The following ALK variants were observed in gnomAD, a reference collection of about 807,000 sequenced individuals.
ALK encodes the protein ALK receptor tyrosine kinase.
ALK carries 74 observed loss-of-function variants against 163.1 expected under a neutral mutation model. The ratio of observed to expected loss-of-function variants is 0.45; its 90% confidence interval spans 0.38 to 0.55. The LOEUF (loss-of-function observed/expected upper bound fraction) is 0.55. Ranked by LOEUF, ALK falls within the 20% of genes least tolerant of loss-of-function variation. The pLI is 0.00. For missense variants in ALK, 2,063 were observed against 2,105.3 expected (o/e 0.98, Z 0.39); for synonymous variants, 960 against 843.2 (o/e 1.14, Z -2.40).
At chr2:29,314,114 T>C (rs376893154) in intron 8 of ALK, among the ~76,000 whole-genome samples, 1 of 152,072 alleles carries the variant, frequency 6.6e-6, no homozygotes, top group South Asian at 2.1e-4. Flanking sequence ...TTTCCAGGGA[T>C]GATCACCAGC....
At chr2:29,857,091 G>T (rs1013185212) in intron 1 of ALK, among the ~76,000 whole-genome samples, 2 of 152,294 alleles carry the variant, frequency 1.3e-5, no homozygotes, top group African/African-American at 4.8e-5. Context: ...AGTTAGAACT[G>T]GGCTCGAATT....
chr2:29,314,466 TGTGTG>T (rs1666774358), intron 8 of ALK, among the ~76,000 whole-genome samples: 1 of 151,936 alleles, frequency 6.6e-6, no homozygotes, highest in Non-Finnish European at 1.5e-5. Flanking sequence ...TCCCAGAGGG[TGTGTG>T]CACGCATGTG....
chr2:29,546,217 G>A (rs1673549614), intron 3 of ALK, among the ~76,000 whole-genome samples: 1 of 152,076 alleles, frequency 6.6e-6, no homozygotes, highest in Non-Finnish European at 1.5e-5. Context: ...CACAAAGGTG[G>A]TTTTTTTCTT....
intron 9 of ALK, among the ~76,000 whole-genome samples, chr2:29,296,168 A>C (rs961947184): frequency 2.6e-5 from 4 of 152,236 alleles, no homozygotes; most frequent in African/African-American, 9.6e-5. Flanking sequence ...AAGGTGAGGA[A>C]ACTGAGGCCC....
intron 4 of ALK, 44 bp from the exon 5 acceptor site, chr2:29,383,903 A>C: frequency 1.2e-6 from 2 of 1,613,282 alleles, no homozygotes; most frequent in Non-Finnish European, 1.7e-6. Flanking sequence ...AGAGAAACAG[A>C]TATGAGAATT....
At chr2:29,402,727 T>C (rs906086276) in intron 4 of ALK, among the ~76,000 whole-genome samples, 1 of 152,154 alleles carries the variant, frequency 6.6e-6, no homozygotes, top group Non-Finnish European at 1.5e-5. Flanking sequence ...GGTGGTACCT[T>C]GTACTGGTCT....
intron 4 of ALK, among the ~76,000 whole-genome samples, chr2:29,470,620 T>C (rs1269548060): frequency 6.6e-6 from 1 of 151,826 alleles, no homozygotes; most frequent in Non-Finnish European, 1.5e-5. Context: ...CCAAGAATTA[T>C]TTACCCAGTG....
rs1442403488 is a variant in ALK, at chr2:29,246,707, T to A, written c.2204+4398A>T. ...GTCCTCAACTTACGCTGATCCCACCTCCTGAGCACCTCTGGGCCTGTCCCC... is the reference window on the plus strand; with the variant it reads ...GTCCTCAACTTACGCTGATCCCACCACCTGAGCACCTCTGGGCCTGTCCCC... On this transcript the variant is annotated intron_variant, in intron 12 of 28. Coordinates refer to ENST00000389048, the MANE Select transcript of ALK (RefSeq NM_004304.5). The surrounding 1 kb of genome is among the most constrained non-coding windows in gnomAD (Gnocchi z 4.3). 6.6e-6 allele frequency among the ~76,000 whole-genome samples: 1 copy of A among 152,106 alleles called. No individual in the cohort carries two copies. Among genetic ancestry groups the A allele is most frequent in the Non-Finnish European group, 1.5e-5 (1 of 68,004 alleles).
intron 1 of ALK, among the ~76,000 whole-genome samples, chr2:29,768,727 G>A (rs1005070312): frequency 4.2e-5 from 6 of 141,294 alleles, no homozygotes; most frequent in African/African-American, 8.0e-5. Flanking sequence ...GTGTGTGTGT[G>A]TGTGTGTGTG....
chr2:29,443,880 T>TA (rs1670605728), intron 4 of ALK, among the ~76,000 whole-genome samples: 3 of 152,178 alleles, frequency 2.0e-5, no homozygotes, highest in African/African-American at 7.2e-5. Context: ...ATAGTCATGC[T>TA]AATAATAACT....
At chr2:29,255,038 C>A (rs143306378) in intron 11 of ALK, among the ~76,000 whole-genome samples, 35 of 152,302 alleles carry the variant, frequency 2.3e-4, no homozygotes, top group African/African-American at 8.4e-4. Context: ...CTGTGTCAGA[C>A]CCATGATTTA....
intron 4 of ALK, among the ~76,000 whole-genome samples, chr2:29,464,750 C>T (rs1340876437): frequency 6.6e-6 from 1 of 152,114 alleles, no homozygotes; most frequent in Non-Finnish European, 1.5e-5. Flanking sequence ...CCAATGGGTA[C>T]AGACAAAGGA....
intron 5 of ALK, among the ~76,000 whole-genome samples, chr2:29,374,997 G>A (rs767969985): frequency 2.6e-5 from 4 of 152,158 alleles, no homozygotes; most frequent in Non-Finnish European, 5.9e-5. Context: ...TCCAGGTGGT[G>A]GCACCTCCCC....
At chr2:29,746,212 CT>C (rs1164314778) in intron 1 of ALK, among the ~76,000 whole-genome samples, 2 of 152,142 alleles carry the variant, frequency 1.3e-5, no homozygotes, top group African/African-American at 4.8e-5. Flanking sequence ...ACAGCCTGCT[CT>C]ATCGGCTATT....
intron 4 of ALK, among the ~76,000 whole-genome samples, chr2:29,510,823 G>A (rs1297462107): frequency 6.6e-6 from 1 of 152,176 alleles, no homozygotes; most frequent in Non-Finnish European, 1.5e-5. Context: ...AGAGTGGGCT[G>A]ATGTTTTCTG....
intron 5 of ALK, among the ~76,000 whole-genome samples, chr2:29,370,343 G>T (rs1668609413): frequency 6.6e-6 from 1 of 152,056 alleles, no homozygotes; most frequent in Non-Finnish European, 1.5e-5. Flanking sequence ...TCTGTGGTTG[G>T]TCCCAGCCAT....
intron 3 of ALK, among the ~76,000 whole-genome samples, chr2:29,567,864 G>A (rs1208449235): frequency 1.3e-5 from 2 of 152,210 alleles, no homozygotes; most frequent in Non-Finnish European, 2.9e-5. Flanking sequence ...TTCAGAGAAA[G>A]CTCAGCCTAT....
At chr2:29,371,524 C>A (rs1384832598) in intron 5 of ALK, among the ~76,000 whole-genome samples, 1 of 152,200 alleles carries the variant, frequency 6.6e-6, no homozygotes, top group Non-Finnish European at 1.5e-5. Context: ...TTACCTCTCC[C>A]CACCTCACCC....
intron 1 of ALK, among the ~76,000 whole-genome samples, chr2:29,855,377 C>G (rs763122806): frequency 2.6e-5 from 4 of 152,148 alleles, no homozygotes; most frequent in Non-Finnish European, 5.9e-5. Context: ...GCACAAGTAA[C>G]TCATCTCTTT....
Sources: allele counts gnomAD v4.1 joint callset (sites outside exome capture counted in the v4.1 genomes callset), GRCh38; gene constraint gnomAD v4.1.1; non-coding constraint Gnocchi (gnomAD v3.1); transcripts MANE v1.5; gene names NCBI Gene and HGNC (gene_info 2026-07-23, HGNC 2026-07-21).